The following PRR5 variants were observed in gnomAD, a reference collection of about 807,000 sequenced individuals.
PRR5 encodes the protein proline rich 5, also known as proline-rich protein 5.
A neutral mutation model predicts 30.6 loss-of-function variants in PRR5; 25 were observed. The observed-to-expected ratio is 0.82, with a 90% CI of 0.60 to 1.14. The LOEUF is 1.14. Ranked by LOEUF, PRR5 falls within the 50% of genes most tolerant of loss-of-function variation. PRR5 has a pLI of 0.00. For synonymous variants in PRR5, 286 were observed against 247.1 expected, an observed-to-expected ratio of 1.16 and a Z score of -1.48; for missense variants, 600 against 547.1, an observed-to-expected ratio of 1.10 and a Z score of -0.96.
At chr22:44,732,427 C>A in intron 6 of PRR5, 36 bp downstream of exon 6, 2 of 1,584,376 alleles carry the variant, frequency 1.3e-6, no homozygotes, top group Non-Finnish European at 8.6e-7. Flanking sequence ...GCATGGGGAC[C>A]GTGGGGCAGT....
chr22:44,670,168 C>G (rs182958510), intron 1 of PRR5, among the ~76,000 whole-genome samples: 1 of 152,156 alleles, frequency 6.6e-6, no homozygotes, highest in Non-Finnish European at 1.5e-5. Context: ...TGGCGGACAG[C>G]GAAGAGGACC....
rs1232111417 is a variant in PRR5, at chr22:44,735,083, C to T, written c.612C>T (p.Val204=). ...TEDYLRLETL[V]QKVVSPYLGT... is the part of the protein sequence containing the mutation. The stretch of plus-strand genomic sequence containing the variant: ...ACTACCTGCGCCTGGAGACGCTGGT[C>T]CAGAAGGTGGTGTCGCCATACCTGG... Residue 204 remains valine, a synonymous_variant, in exon 7 of 8, where the codon GTC becomes GTT. Coordinates refer to ENST00000336985, the MANE Select transcript of PRR5 (RefSeq NM_181333.4). 1 of 1,611,788 alleles carries T rather than the reference C, an allele frequency of 6.2e-7. No individual in the cohort carries two copies. Among genetic ancestry groups the T allele is most frequent in the South Asian group, 1.1e-5 (1 of 91,044 alleles).
chr22:44,721,475 C>T (rs1602056947), intron 2 of PRR5, among the ~76,000 whole-genome samples: 1 of 152,272 alleles, frequency 6.6e-6, no homozygotes, highest in East Asian at 1.9e-4. Context: ...AAGTTATACT[C>T]CTATGCAAAT....
In PRR5 at chr22:44,702,418, TGGCGCAGGGCGC is replaced by T. The variant is rs1169232760; in HGVS notation, c.-52_-41del. ...CCGGCCCGGGGCCCTTGGTGCGGCGTGGCGCAGGGCGCGGCGTGGGGCGCGCGTGGGCGCGGC... is the reference window on the plus strand; with the variant it reads ...CCGGCCCGGGGCCCTTGGTGCGGCGTGGCGTGGGGCGCGCGTGGGCGCGGC... On this transcript the variant is annotated 5_prime_UTR_variant, in exon 1 of 8. Coordinates refer to ENST00000336985, the MANE Select transcript of PRR5 (RefSeq NM_181333.4). 9.6e-6 allele frequency: 12 copies of T among 1,248,140 alleles called. No homozygotes were observed. Among genetic ancestry groups the T allele is most frequent in the Non-Finnish European group, 1.1e-5 (11 of 994,990 alleles). 77.3% of individuals were successfully genotyped at this position (1,248,140 alleles called of 1,614,324 possible).
intron 2 of PRR5, among the ~76,000 whole-genome samples, chr22:44,722,342 C>G (rs1602059228): frequency 1.3e-5 from 2 of 152,238 alleles, no homozygotes; most frequent in African/African-American, 2.4e-5. Context: ...AGGCCTGTGA[C>G]TGGCCTGCCT....
upstream of PRR5, among the ~76,000 whole-genome samples, chr22:44,676,390 CAAA>C (rs59016907): frequency 8.9e-4 from 33 of 37,048 alleles, no homozygotes; most frequent in African/African-American, 2.2e-3. Flanking sequence ...GACCCTGTCT[CAAA>C]AAAAAAAAAA....
chr22:44,706,153 A>G (rs920664172), intron 1 of PRR5, among the ~76,000 whole-genome samples: 1 of 152,192 alleles, frequency 6.6e-6, no homozygotes, highest in Non-Finnish European at 1.5e-5. Context: ...GCCCATCCTT[A>G]GTTAAGGATC....
intron 1 of PRR5, among the ~76,000 whole-genome samples, chr22:44,678,539 T>A (rs1923973537): frequency 6.6e-6 from 1 of 152,060 alleles, no homozygotes; most frequent in African/African-American, 2.4e-5. Flanking sequence ...GGTCTCGAAC[T>A]CCCGACCTCA....
At chr22:44,695,467 C>T (rs1925661484) in intron 1 of PRR5, among the ~76,000 whole-genome samples, 1 of 152,130 alleles carries the variant, frequency 6.6e-6, no homozygotes, top group African/African-American at 2.4e-5. Flanking sequence ...ATTGCTATGG[C>T]CTTTGTGCAA....
chr22:44,726,537 T>A (rs1920954050), intron 3 of PRR5, 40 bp from the exon 4 acceptor site: 2 of 1,613,500 alleles, frequency 1.2e-6, no homozygotes, highest in African/African-American at 2.7e-5. Flanking sequence ...CCCCCGGGCA[T>A]CCACAAGGGC....
chr22:44,710,167 A>C (rs929360867), intron 1 of PRR5, among the ~76,000 whole-genome samples: 1 of 152,074 alleles, frequency 6.6e-6, no homozygotes, highest in Non-Finnish European at 1.5e-5. Context: ...GGGCCCCCGG[A>C]TCAGCCCCTA....
chr22:44,685,943 G>A (rs1457719798), intron 1 of PRR5, among the ~76,000 whole-genome samples: 1 of 152,250 alleles, frequency 6.6e-6, no homozygotes, highest in African/African-American at 2.4e-5. Context: ...GCACCGTGAT[G>A]ATGCCACACA....
At chr22:44,721,284 G>A (rs538539039) in intron 2 of PRR5, among the ~76,000 whole-genome samples, 1 of 152,292 alleles carries the variant, frequency 6.6e-6, no homozygotes, top group South Asian at 2.1e-4. Flanking sequence ...AGAATTTTCT[G>A]GGGTTGAAAT....
chr22:44,730,465 C>G (rs1045000622), intron 4 of PRR5: 3 of 988,944 alleles, frequency 3.0e-6, no homozygotes, highest in African/African-American at 3.5e-5. Flanking sequence ...CACGTTGCCT[C>G]TCCCACTGGA....
chr22:44,668,970 G>C (rs1361947538), intron 1 of PRR5, among the ~76,000 whole-genome samples: 1 of 150,994 alleles, frequency 6.6e-6, no homozygotes, highest in Non-Finnish European at 1.5e-5. Context: ...GCGCGACGCC[G>C]ACTGCGGGGC....
chr22:44,726,996 T>G (rs1457577218), intron 4 of PRR5, among the ~76,000 whole-genome samples: 1 of 152,104 alleles, frequency 6.6e-6, no homozygotes, highest in East Asian at 1.9e-4. Flanking sequence ...CGGTTAGGGC[T>G]GAGGTCACCG....
intron 1 of PRR5, among the ~76,000 whole-genome samples, chr22:44,709,440 C>A (rs1384335397): frequency 6.6e-6 from 1 of 152,024 alleles, no homozygotes; most frequent in Non-Finnish European, 1.5e-5. Context: ...GGGCCCCAAG[C>A]CAAAGAATGT....
At chr22:44,732,848 A>G (rs1484896545) in intron 6 of PRR5, among the ~76,000 whole-genome samples, 1 of 136,874 alleles carries the variant, frequency 7.3e-6, no homozygotes, top group Non-Finnish European at 1.6e-5. Flanking sequence ...ACACGTGCAC[A>G]CACGTGCACA....
Position 44,702,434 on chromosome 22 carries a change from G to C in PRR5, c.-41G>C. 7.8e-7 allele frequency: 1 copy of C among 1,283,206 alleles called. No individual in the cohort carries two copies. The highest frequency in any genetic ancestry group is 9.9e-7 in the Non-Finnish European group (1 of 1,012,974). 79.5% of individuals were successfully genotyped at this position (1,283,206 alleles called of 1,614,324 possible). ...GGTGCGGCGTGGCGCAGGGCGCGGC[G>C]TGGGGCGCGCGTGGGCGCGGCGCAG... On this transcript the variant is annotated 5_prime_UTR_variant, in exon 1 of 8. Coordinates refer to ENST00000336985, the MANE Select transcript of PRR5 (RefSeq NM_181333.4).
Sources: gnomAD v4.1 joint callset for allele counts (sites outside exome capture counted in the v4.1 genomes callset) on GRCh38, gnomAD v4.1.1 for gene constraint, MANE v1.5 for transcripts, NCBI Gene and HGNC (gene_info 2026-07-23, HGNC 2026-07-21) for gene names.